Variants in PURG observed in about 807,000 individuals in gnomAD.
The protein encoded by PURG is purine-rich element-binding protein gamma.
PURG carries 3 observed loss-of-function variants against 24.3 expected under a neutral mutation model. The observed-to-expected ratio is 0.12, with a 90% confidence interval of 0.06 to 0.32. The LOEUF (loss-of-function observed/expected upper bound fraction) is 0.32, where lower values mean the gene tolerates loss of function less well. PURG is among the 10% of genes least tolerant of loss of function. The probability of loss-of-function intolerance (pLI) is 1.00; values close to 1 mark genes in which losing one functional copy is unlikely to be tolerated. For missense variants in PURG, 371 were observed against 439.1 expected, an observed-to-expected ratio of 0.84 and a Z score of 1.39; for synonymous variants, 180 against 173.1, an observed-to-expected ratio of 1.04 and a Z score of -0.31.
Position 31,017,102 on chromosome 8 carries a change from A to G in PURG, c.864+14817T>C, listed in dbSNP as rs574881103. 3.9e-5 allele frequency among the ~76,000 whole-genome samples: 6 copies of G among 152,280 alleles called. No individual in the cohort carries two copies. In the South Asian group the frequency reaches 8.3e-4, roughly 21 times the overall value. On this transcript the variant is annotated intron_variant, in intron 1 of 1. Coordinates refer to the PURG transcript ENST00000339382. ...CTGCCAGCTATCTGGCTAAGCTAGA[A>G]ATTTTTAGAGCTACAATGAAAACTT...
intron 1 of PURG, among the ~76,000 whole-genome samples, chr8:31,019,589 T>A (rs1285395934): frequency 6.6e-6 from 1 of 151,642 alleles, no homozygotes; most frequent in Non-Finnish European, 1.5e-5. Context: ...TGCCTCTGCC[T>A]CCCAAAGTGT....
chr8:31,023,459 C>T (rs781545544), intron 1 of PURG, among the ~76,000 whole-genome samples: 3 of 151,360 alleles, frequency 2.0e-5, no homozygotes, highest in Non-Finnish European at 2.9e-5. Flanking sequence ...CTGGCAGTGG[C>T]GGGGCACTGC....
At chr8:31,006,653 T>C (rs975789248) in intron 1 of PURG, among the ~76,000 whole-genome samples, 1 of 152,182 alleles carries the variant, frequency 6.6e-6, no homozygotes, top group Non-Finnish European at 1.5e-5. Context: ...ACCTATAACA[T>C]ACAAAGACAT....
At chr8:31,030,599 T>C (rs1811175542), downstream of PURG, among the ~76,000 whole-genome samples, 1 of 151,846 alleles carries the variant, frequency 6.6e-6, no homozygotes, top group Admixed American at 6.6e-5. Context: ...TAACCAATCT[T>C]CAAATAATAT....
At position 31,032,246 on chromosome 8, in the gene PURG, G is replaced by C; in HGVS notation, c.537C>G (p.Asp179Glu). The C allele has an allele frequency of 6.2e-7, 1 of 1,614,094 alleles. No homozygotes were observed. The highest frequency in any genetic ancestry group is 8.5e-7 in the Non-Finnish European group (1 of 1,180,010). The change falls in exon 2 of 2, where the codon GAC becomes GAG. Residue 179 changes from aspartate (D) to glutamate (E), a missense_variant. This residue lies in a region of PURG where 213 missense variants were observed against 230.6 expected (regional missense o/e 0.92). Transcript: ENST00000523392. This position sits in a 1 kb window ranked among gnomAD's most constrained non-coding sequence, Gnocchi z 5.9. The stretch of plus-strand genomic sequence containing the variant: ...TTAGGTCTAGGTAATATTTCCTATT[G>C]TCCCTCTCGATATAGTCTGTTTTCA... The part of the protein sequence containing the change: ...SVLKTDYIER[D>E]NRKYYLDLKE...
At chr8:31,026,589 G>A (rs925492094), downstream of PURG, among the ~76,000 whole-genome samples, 8 of 145,090 alleles carry the variant, frequency 5.5e-5, no homozygotes, top group East Asian at 1.6e-3. Context: ...AATCTACTAG[G>A]TACAAGATAG....
chr8:31,019,682 T>C (rs1489974377), intron 1 of PURG, among the ~76,000 whole-genome samples: 1 of 150,588 alleles, frequency 6.6e-6, no homozygotes, highest in African/African-American at 2.4e-5. Flanking sequence ...CACTCTGTCA[T>C]CCCCATGCCT....
chr8:31,008,371 C>T (rs1026511311), intron 1 of PURG, among the ~76,000 whole-genome samples: 3 of 152,246 alleles, frequency 2.0e-5, no homozygotes, highest in East Asian at 3.9e-4. Flanking sequence ...GATCTCGGCT[C>T]GCTGCCACTG....
chr8:31,026,932 T>C (rs1811100948), downstream of PURG, among the ~76,000 whole-genome samples: 1 of 151,696 alleles, frequency 6.6e-6, no homozygotes, highest in Non-Finnish European at 1.5e-5. Flanking sequence ...AAGCTCTACC[T>C]ACTAAATTTG....
At position 31,000,036 on chromosome 8, in the gene PURG, T is replaced by A. The variant is rs953216444; in HGVS notation, c.865-3339A>T. On this transcript the variant is annotated intron_variant, in intron 1 of 1. Transcript: ENST00000339382. ...TTTTATCTATTTGTCTACATATACA[T>A]CTTGTCTCCAGTCACTGAAATGACA... 1.2e-4 allele frequency among the ~76,000 whole-genome samples: 19 copies of A among 152,102 alleles called. 1 individual carries two copies. Among genetic ancestry groups the A allele is most frequent in the Admixed American group, 1.2e-3 (19 of 15,260 alleles).
chr8:31,002,977 A>G lies in PURG; in HGVS notation c.865-6280T>C, dbSNP rs527596158. Among the ~76,000 whole-genome samples the G allele has an allele frequency of 2.6e-5, 4 of 152,342 alleles. No individual in the cohort carries two copies. In the East Asian group the frequency reaches 7.7e-4, roughly 29 times the overall value. ...TACTTTTGAGCGATTGCTCAAAAGC[A>G]CTTATCAATCTTGAGAAGATATATC... On this transcript the variant is annotated intron_variant, in intron 1 of 1. Coordinates refer to the PURG transcript ENST00000339382.
chr8:30,997,724 G>C (rs1212692588), intron 1 of PURG, among the ~76,000 whole-genome samples: 1 of 151,690 alleles, frequency 6.6e-6, no homozygotes, highest in Non-Finnish European at 1.5e-5. Context: ...AAATTTCTTG[G>C]ATAAAAGCCT....
At chr8:31,014,189 T>C (rs772759074) in intron 1 of PURG, among the ~76,000 whole-genome samples, 2 of 152,240 alleles carry the variant, frequency 1.3e-5, no homozygotes, top group Non-Finnish European at 2.9e-5. Context: ...GTAGCACTGA[T>C]ACAAATTGTT....
At chr8:31,005,330 G>C (rs1810619740) in intron 1 of PURG, among the ~76,000 whole-genome samples, 1 of 152,032 alleles carries the variant, frequency 6.6e-6, no homozygotes, top group Admixed American at 6.6e-5. Flanking sequence ...CTACTTGGGA[G>C]GCTGAGGCAT....
At chr8:31,007,505 T>C (rs1165175381) in intron 1 of PURG, among the ~76,000 whole-genome samples, 1 of 152,204 alleles carries the variant, frequency 6.6e-6, no homozygotes, top group South Asian at 2.1e-4. Flanking sequence ...ACAAATATTC[T>C]GAATGACGTC....
downstream of PURG, among the ~76,000 whole-genome samples, chr8:31,030,001 A>C (rs1811163933): frequency 6.6e-6 from 1 of 151,942 alleles, no homozygotes; most frequent in Non-Finnish European, 1.5e-5. Flanking sequence ...ACTAGAGGAA[A>C]TGTGAAATAC....
intron 1 of PURG, among the ~76,000 whole-genome samples, chr8:30,998,725 C>A (rs963955364): frequency 6.6e-6 from 1 of 151,692 alleles, no homozygotes; most frequent in African/African-American, 2.4e-5. Context: ...TAGTTTATGG[C>A]GTAATATACA....
downstream of PURG, among the ~76,000 whole-genome samples, chr8:31,026,191 T>A (rs1449845669): frequency 1.3e-5 from 2 of 151,852 alleles, no homozygotes; most frequent in Non-Finnish European, 2.9e-5. Context: ...AAAAATTGAC[T>A]GAACGTGATA....
intron 1 of PURG, among the ~76,000 whole-genome samples, chr8:31,017,372 T>A (rs1005787502): frequency 2.0e-5 from 3 of 151,704 alleles, no homozygotes; most frequent in African/African-American, 7.2e-5. Context: ...GCAATATATG[T>A]ATGTTTAATA....
Sources: gnomAD v4.1 joint callset for allele counts (sites outside exome capture counted in the v4.1 genomes callset) on GRCh38, gnomAD v4.1.1 for gene constraint, gnomAD v4.1.1 regional missense constraint, Gnocchi (gnomAD v3.1) non-coding constraint, MANE v1.5 for transcripts, NCBI Gene and HGNC (gene_info 2026-07-23, HGNC 2026-07-21) for gene names.